The following HMGCLL1 variants were observed in gnomAD, a reference collection of about 807,000 sequenced individuals.
HMGCLL1 encodes the protein 3-hydroxymethyl-3-methylglutaryl-CoA lyase, cytoplasmic.
In HMGCLL1, 36 loss-of-function variants were observed where a neutral mutation model predicts 39.1. That is an observed-to-expected ratio of 0.92 (90% CI 0.71 to 1.22). The LOEUF (loss-of-function observed/expected upper bound fraction) is 1.22, where lower values mean the gene tolerates loss of function less well. HMGCLL1 is among the 50% of genes most tolerant of loss of function. HMGCLL1 has a pLI of 0.00. For synonymous variants in HMGCLL1, 149 were observed against 144.0 expected, an observed-to-expected ratio of 1.03 and a Z score of -0.25; for missense variants, 451 against 416.5, an observed-to-expected ratio of 1.08 and a Z score of -0.72.
chr6:55,528,397 G>GA (rs1393128396), intron 3 of HMGCLL1, among the ~76,000 whole-genome samples: 1 of 151,978 alleles, frequency 6.6e-6, no homozygotes, highest in Non-Finnish European at 1.5e-5. Context: ...TCAGTAATGA[G>GA]AAAAAATGAG....
At chr6:55,485,967 C>A (rs1766005403) in intron 7 of HMGCLL1, among the ~76,000 whole-genome samples, 1 of 151,208 alleles carries the variant, frequency 6.6e-6, no homozygotes, top group African/African-American at 2.4e-5. Flanking sequence ...TAAGAATGTT[C>A]ATTAAAATTA....
chr6:55,671,360 T>C, the HMGCLL1 span, among the ~76,000 whole-genome samples: 2 of 151,832 alleles, frequency 1.3e-5, no homozygotes, highest in Non-Finnish European at 2.9e-5. Context: ...GACGTCTGAC[T>C]TACAGAAACG....
intron 5 of HMGCLL1, chr6:55,512,892 T>C (rs1361768129): frequency 6.6e-6 from 1 of 152,090 alleles, no homozygotes; most frequent in Admixed American, 6.6e-5. Flanking sequence ...TATCTCCATA[T>C]TTATAAAATT....
At chr6:55,651,597 C>T in the HMGCLL1 span, among the ~76,000 whole-genome samples, 1 of 152,210 alleles carries the variant, frequency 6.6e-6, no homozygotes, top group East Asian at 1.9e-4. Context: ...CAGTTGGTTT[C>T]TCCCTAGGTC....
the HMGCLL1 span, among the ~76,000 whole-genome samples, chr6:55,591,556 CT>C: frequency 1.3e-5 from 2 of 150,888 alleles, no homozygotes; most frequent in East Asian, 1.9e-4. Flanking sequence ...TTCCTGTTCA[CT>C]TTTTTTTTCC....
At chr6:55,492,528 T>C (rs1385522244) in intron 7 of HMGCLL1, among the ~76,000 whole-genome samples, 2 of 152,250 alleles carry the variant, frequency 1.3e-5, no homozygotes, top group Admixed American at 1.3e-4. Context: ...CTGTATCAGT[T>C]ACATACAGTT....
chr6:55,508,647 T>G (rs1767285505), intron 5 of HMGCLL1, among the ~76,000 whole-genome samples: 1 of 151,890 alleles, frequency 6.6e-6, no homozygotes, highest in Admixed American at 6.6e-5. Context: ...CTTTTCATAC[T>G]TATTAAATTC....
upstream of HMGCLL1, among the ~76,000 whole-genome samples, chr6:55,583,424 C>T (rs562975924): frequency 1.1e-3 from 168 of 151,774 alleles, 1 homozygote; most frequent in African/African-American, 3.9e-3. Context: ...CAATTCCCAT[C>T]TATGAGTGAG....
the HMGCLL1 span, among the ~76,000 whole-genome samples, chr6:55,604,493 C>A: frequency 4.6e-5 from 7 of 152,008 alleles, no homozygotes; most frequent in African/African-American, 1.7e-4. Context: ...ACATTTTAAA[C>A]GCTGCATTTA....
intron 5 of HMGCLL1, among the ~76,000 whole-genome samples, chr6:55,503,029 C>T (rs1313984811): frequency 6.6e-6 from 1 of 151,514 alleles, no homozygotes; most frequent in African/African-American, 2.4e-5. Context: ...AGCTTGTTTT[C>T]TCATGTGCTT....
At chr6:55,466,716 C>A (rs998317318) in intron 7 of HMGCLL1, among the ~76,000 whole-genome samples, 1 of 152,038 alleles carries the variant, frequency 6.6e-6, no homozygotes, top group Non-Finnish European at 1.5e-5. Flanking sequence ...ACAAGGCCTT[C>A]AATATTTCTT....
chr6:55,645,943 AT>A, the HMGCLL1 span, among the ~76,000 whole-genome samples: 2 of 151,730 alleles, frequency 1.3e-5, no homozygotes, highest in Admixed American at 1.3e-4. Context: ...TTCTTCTATG[AT>A]TTGGAATAAT....
chr6:55,594,756 C>A, the HMGCLL1 span, among the ~76,000 whole-genome samples: 1 of 152,086 alleles, frequency 6.6e-6, no homozygotes, highest in Non-Finnish European at 1.5e-5. Context: ...GGTTTAACAG[C>A]AAGTTGTCCC....
At chr6:55,442,460 G>T (rs1561883049) in intron 7 of HMGCLL1, among the ~76,000 whole-genome samples, 1 of 152,046 alleles carries the variant, frequency 6.6e-6, no homozygotes, top group African/African-American at 2.4e-5. Context: ...CTCTCACTTG[G>T]CTCCTGTGTC....
chr6:55,631,832 C>T, the HMGCLL1 span, among the ~76,000 whole-genome samples: 3 of 152,134 alleles, frequency 2.0e-5, no homozygotes, highest in Admixed American at 6.6e-5. Flanking sequence ...AAAGTTTATA[C>T]TCTTCCCCCT....
intron 7 of HMGCLL1, among the ~76,000 whole-genome samples, chr6:55,457,379 A>G (rs1451935603): frequency 3.9e-5 from 6 of 152,196 alleles, no homozygotes; most frequent in Non-Finnish European, 7.3e-5. Context: ...ATGAAAATAA[A>G]TAAATAAATA....
At chr6:55,593,931 T>G in the HMGCLL1 span, among the ~76,000 whole-genome samples, 1 of 152,196 alleles carries the variant, frequency 6.6e-6, no homozygotes, top group Non-Finnish European at 1.5e-5. Context: ...TTAGCTGGCT[T>G]ATAAACCTAA....
chr6:55,578,832 G>A, intron 1 of HMGCLL1, 116 bp downstream of exon 1: 2 of 724,696 alleles, frequency 2.8e-6, no homozygotes, highest in South Asian at 3.2e-5. Context: ...CTGCGGGAAG[G>A]GTCCTGGGGT....
At chr6:55,666,549 T>C in the HMGCLL1 span, among the ~76,000 whole-genome samples, 1 of 151,748 alleles carries the variant, frequency 6.6e-6, no homozygotes, top group Non-Finnish European at 1.5e-5. Context: ...AGAGTTTTTA[T>C]TTTTTTATTA....
Sources: gnomAD v4.1 joint callset for allele counts (sites outside exome capture counted in the v4.1 genomes callset) on GRCh38, gnomAD v4.1.1 for gene constraint, MANE v1.5 for transcripts, NCBI Gene and HGNC (gene_info 2026-07-23, HGNC 2026-07-21) for gene names.